The following KCNN2 variants were observed in gnomAD, a reference collection of about 807,000 sequenced individuals.
The protein encoded by KCNN2 is small conductance calcium-activated potassium channel protein 2.
Under a neutral mutation model 55.5 loss-of-function variants are expected in KCNN2, and 24 were observed. That is an observed-to-expected ratio of 0.43 (90% CI 0.31 to 0.61). KCNN2 has a LOEUF of 0.61. Ranked by LOEUF, KCNN2 falls within the 20% of genes least tolerant of loss-of-function variation. KCNN2 has a pLI of 0.08. For missense variants in KCNN2, 754 were observed against 853.6 expected (o/e 0.88, Z 1.45); for synonymous variants, 431 against 336.1 (o/e 1.28, Z -3.09).
chr5:114,171,972 A>T (rs940386042), intron 1 of KCNN2, among the ~76,000 whole-genome samples: 1 of 151,904 alleles, frequency 6.6e-6, no homozygotes, highest in Non-Finnish European at 1.5e-5. Context: ...TTGTTGTGAT[A>T]AAGCAGTGAA....
chr5:114,200,062 T>G (rs775834133), intron 1 of KCNN2, among the ~76,000 whole-genome samples: 1 of 152,198 alleles, frequency 6.6e-6, no homozygotes, highest in African/African-American at 2.4e-5. Context: ...ACTCTCTTGA[T>G]AGACAGGGAA....
intron 2 of KCNN2, among the ~76,000 whole-genome samples, chr5:114,371,616 A>G (rs1396619696): frequency 1.3e-5 from 2 of 152,144 alleles, no homozygotes; most frequent in Non-Finnish European, 2.9e-5. Context: ...ACAGAAACAG[A>G]CTGTAAGTTT....
intron 2 of KCNN2, among the ~76,000 whole-genome samples, chr5:114,396,999 G>T (rs1411461777): frequency 6.6e-6 from 1 of 151,986 alleles, no homozygotes; most frequent in African/African-American, 2.4e-5. Flanking sequence ...TCCTGCATTG[G>T]TTCACTTAGG....
intron 6 of KCNN2, 139 bp downstream of exon 6, chr5:114,487,316 A>C (rs892469721): frequency 2.7e-6 from 2 of 730,716 alleles, no homozygotes; most frequent in Non-Finnish European, 4.5e-6. Flanking sequence ...CTGGCAATCT[A>C]ATCATTCCAC....
chr5:114,311,146 C>CAT (rs201022433), intron 2 of KCNN2, among the ~76,000 whole-genome samples: 5,210 of 151,968 alleles, frequency 0.034, 292 homozygotes, highest in African/African-American at 0.12. Context: ...TTGCATCAAG[C>CAT]ATGTATATAT....
chr5:114,436,010 A>G (rs759496927), intron 3 of KCNN2, among the ~76,000 whole-genome samples: 7 of 152,100 alleles, frequency 4.6e-5, no homozygotes, highest in Admixed American at 2.0e-4. Flanking sequence ...ACCACCTTGA[A>G]CTGATTTGCA....
chr5:114,430,641 G>A (rs182737297), intron 3 of KCNN2, among the ~76,000 whole-genome samples: 9 of 152,184 alleles, frequency 5.9e-5, no homozygotes, highest in Middle Eastern at 3.4e-3. Flanking sequence ...TAGGAATGAT[G>A]AGAACAGACA....
At chr5:114,349,971 G>A (rs1757178213) in intron 2 of KCNN2, among the ~76,000 whole-genome samples, 1 of 151,880 alleles carries the variant, frequency 6.6e-6, no homozygotes, top group Admixed American at 6.6e-5. Flanking sequence ...TCAAATTGTG[G>A]TTTCGATTTG....
intron 2 of KCNN2, among the ~76,000 whole-genome samples, chr5:114,235,390 C>T (rs1348218118): frequency 6.6e-6 from 1 of 152,036 alleles, no homozygotes; most frequent in Non-Finnish European, 1.5e-5. Flanking sequence ...GGAACTTTAG[C>T]GTTAAAAATG....
chr5:114,466,734 G>C (rs1383769504), intron 4 of KCNN2, among the ~76,000 whole-genome samples: 1 of 151,934 alleles, frequency 6.6e-6, no homozygotes, highest in Non-Finnish European at 1.5e-5. Context: ...AGTAATATCT[G>C]TTCATTCCTA....
At chr5:114,305,030 T>C (rs1291217534) in intron 2 of KCNN2, among the ~76,000 whole-genome samples, 1 of 152,160 alleles carries the variant, frequency 6.6e-6, no homozygotes, top group Non-Finnish European at 1.5e-5. Context: ...AATCGCAAGA[T>C]GGAAACCACA....
At chr5:114,073,944 T>C (rs35703899) in intron 1 of KCNN2, among the ~76,000 whole-genome samples, 23,979 of 152,150 alleles carry the variant, frequency 0.16, 2,028 homozygotes, top group Middle Eastern at 0.21. Flanking sequence ...CACAGTGACA[T>C]AGGGTTTCAT....
At chr5:114,448,872 A>G (rs1452646959) in intron 3 of KCNN2, among the ~76,000 whole-genome samples, 1 of 152,194 alleles carries the variant, frequency 6.6e-6, no homozygotes, top group Admixed American at 6.5e-5. Flanking sequence ...GGGCACCTTA[A>G]GCTGGTTGAT....
At position 114,398,805 on chromosome 5, in the gene KCNN2, T is replaced by C. The variant is rs560167204; in HGVS notation, c.1219-5633T>C. 2.3e-4 allele frequency among the ~76,000 whole-genome samples: 35 copies of C among 152,304 alleles called. No individual in the cohort carries two copies. The South Asian group carries it at 7.0e-3, about 31-fold the overall frequency. On this transcript the variant is annotated intron_variant, in intron 2 of 7. Transcript: ENST00000673685. The stretch of plus-strand genomic sequence containing the variant: ...AGGTATTTTATTCTTTTTGTAGTTA[T>C]TATGAATGGGATTGTGTTCTTGATT...
intron 6 of KCNN2, among the ~76,000 whole-genome samples, chr5:114,490,296 C>A (rs961781325): frequency 1.8e-4 from 27 of 151,706 alleles, no homozygotes; most frequent in Non-Finnish European, 1.9e-4. Context: ...AAAAGATGTA[C>A]CCCCCCAAAA....
intron 1 of KCNN2, among the ~76,000 whole-genome samples, chr5:114,162,982 C>T (rs1752822290): frequency 1.3e-5 from 2 of 152,162 alleles, no homozygotes; most frequent in African/African-American, 2.4e-5. Context: ...TGCTTCGGCT[C>T]ATGCACGGTG....
intron 2 of KCNN2, among the ~76,000 whole-genome samples, chr5:114,376,661 T>G (rs1006870762): frequency 6.6e-6 from 1 of 152,236 alleles, no homozygotes; most frequent in African/African-American, 2.4e-5. Flanking sequence ...AATGATGACC[T>G]GTACATTCAG....
intron 2 of KCNN2, among the ~76,000 whole-genome samples, chr5:114,252,399 G>A (rs1754883673): frequency 6.6e-6 from 1 of 152,034 alleles, no homozygotes; most frequent in African/African-American, 2.4e-5. Flanking sequence ...CACATCTGAG[G>A]CAATAGGGAA....
intron 2 of KCNN2, among the ~76,000 whole-genome samples, chr5:114,298,836 CT>C (rs938486289): frequency 2.0e-5 from 3 of 152,050 alleles, no homozygotes; most frequent in Non-Finnish European, 4.4e-5. Context: ...TGATCGCTCT[CT>C]TTTTTTGGCT....
Sources: gnomAD v4.1 joint callset for allele counts (sites outside exome capture counted in the v4.1 genomes callset) on GRCh38, gnomAD v4.1.1 for gene constraint, MANE v1.5 for transcripts, NCBI Gene and HGNC (gene_info 2026-07-23, HGNC 2026-07-21) for gene names.